Variants in ACSS3 observed in about 807,000 individuals in gnomAD.
ACSS3 encodes acyl-CoA synthetase short chain family member 3, also known as acyl-CoA synthetase short-chain family member 3, mitochondrial.
ACSS3 carries 64 observed loss-of-function variants against 84.2 expected under a neutral mutation model. That is an observed-to-expected ratio of 0.76 (90% CI 0.62 to 0.94). ACSS3 has a LOEUF of 0.94. Among genes scored for constraint, ACSS3 ranks in the 40% least tolerant of loss-of-function variants. The pLI is 0.00. For missense variants in ACSS3, 815 were observed against 867.6 expected, an observed-to-expected ratio of 0.94 and a Z score of 0.76; for synonymous variants, 317 against 310.1, an observed-to-expected ratio of 1.02 and a Z score of -0.23.
intron 2 of ACSS3, among the ~76,000 whole-genome samples, chr12:81,117,239 T>C (rs541175368): frequency 6.6e-6 from 1 of 152,302 alleles, no homozygotes; most frequent in African/African-American, 2.4e-5. Context: ...TAATATATAT[T>C]TGACACTACT....
At chr12:81,083,799 A>G (rs1881146106) in intron 1 of ACSS3, among the ~76,000 whole-genome samples, 1 of 152,070 alleles carries the variant, frequency 6.6e-6, no homozygotes, top group Non-Finnish European at 1.5e-5. Context: ...GTGAAACCCC[A>G]TATCTACTAA....
At position 81,255,781 on chromosome 12, in the gene ACSS3, G is replaced by A. The variant is rs999732551; in HGVS notation, c.*859G>A. 2.0e-5 allele frequency: 3 copies of A among 152,314 alleles called. No individual in the cohort carries two copies. Among genetic ancestry groups the A allele is most frequent in the African/African-American group, 7.2e-5 (3 of 41,414 alleles). 9.4% of individuals were successfully genotyped at this position (152,314 alleles called of 1,614,324 possible). On this transcript the variant is annotated 3_prime_UTR_variant, in exon 16 of 16. Transcript: ENST00000548058. ...ACTGTACTCCAGCCTGGGTGACAGA[G>A]TAAGACTCCATCTCAAAACAACAAA...
chr12:81,138,021 A>G (rs570983661), intron 3 of ACSS3, among the ~76,000 whole-genome samples: 1 of 152,260 alleles, frequency 6.6e-6, no homozygotes, highest in South Asian at 2.1e-4. Context: ...TTCCATGAAT[A>G]TTAAATTATA....
intron 9 of ACSS3, among the ~76,000 whole-genome samples, chr12:81,210,541 C>G (rs2032551906): frequency 6.8e-6 from 1 of 147,060 alleles, no homozygotes; most frequent in African/African-American, 2.5e-5. Context: ...AGGCTATGAA[C>G]CTGGCAACTG....
chr12:81,259,638 A>T lies in ACSS3; in HGVS notation c.*4716A>T. 1 of 1,534,350 alleles carries T rather than the reference A, an allele frequency of 6.5e-7. No homozygotes were observed. Among genetic ancestry groups the T allele is most frequent in the South Asian group, 1.2e-5 (1 of 83,990 alleles). On this transcript the variant is annotated 3_prime_UTR_variant, in exon 16 of 16. Transcript: ENST00000548058. ...TCTTAGATGGTAGTGCACTTTAGGT[A>T]GAGTAGACTGAAAAGACGCCATCTA... is the stretch of plus-strand genomic sequence containing the variant.
At chr12:81,123,673 A>G (rs548793067) in intron 2 of ACSS3, among the ~76,000 whole-genome samples, 1 of 151,896 alleles carries the variant, frequency 6.6e-6, no homozygotes, top group East Asian at 1.9e-4. Flanking sequence ...CTCTATTTCC[A>G]TATGTACACA....
chr12:81,172,893 G>T (rs2030186513), intron 7 of ACSS3, among the ~76,000 whole-genome samples: 1 of 152,108 alleles, frequency 6.6e-6, no homozygotes, highest in African/African-American at 2.4e-5. Flanking sequence ...TTCAATTTCA[G>T]TTGGCTATAA....
Position 81,078,210 on chromosome 12 carries a change from C to G in ACSS3, c.90C>G (p.Ala30=), listed in dbSNP as rs1463661326. 1 of 1,571,826 alleles carries G rather than the reference C, an allele frequency of 6.4e-7. No individual in the cohort carries two copies. The highest frequency in any genetic ancestry group is 1.4e-5 in the African/African-American group (1 of 73,040). ...CTGGGTCCTCTCCGGCCCGGGGAGC[C>G]GGTGCGGCCCTCAGGGCTTTAGTGG... ...PLPGSSPARG[A]GAALRALVVP... The change falls in exon 1 of 16, where the codon GCC becomes GCG. Residue 30 remains alanine, a synonymous_variant. Transcript: ENST00000548058.
intron 2 of ACSS3, among the ~76,000 whole-genome samples, chr12:81,123,945 T>G (rs1884860746): frequency 6.6e-6 from 1 of 152,256 alleles, no homozygotes; most frequent in Non-Finnish European, 1.5e-5. Context: ...AGTCCATGTA[T>G]ATTTTTGGTA....
rs2034287104 is a variant in ACSS3, at chr12:81,256,140, A to G, written c.*1218A>G. 1 of 152,156 alleles carries G rather than the reference A, an allele frequency of 6.6e-6. No homozygotes were observed. Among genetic ancestry groups the G allele is most frequent in the East Asian group, 1.9e-4 (1 of 5,166 alleles). 9.4% of individuals were successfully genotyped at this position (152,156 alleles called of 1,614,324 possible). ...CAAAGGACAGTAGAAAATGGTGAAG[A>G]CTGCAGATCACCTGCTATACCTCAA... On this transcript the variant is annotated 3_prime_UTR_variant, in exon 16 of 16. Transcript: ENST00000548058.
chr12:81,232,047 T>C (rs2033483073), intron 12 of ACSS3, among the ~76,000 whole-genome samples: 1 of 151,862 alleles, frequency 6.6e-6, no homozygotes, highest in Non-Finnish European at 1.5e-5. Flanking sequence ...AAAATAGCTT[T>C]CTTTAGAAAG....
chr12:81,081,508 G>A (rs7959271), intron 1 of ACSS3, among the ~76,000 whole-genome samples: 1,542 of 152,216 alleles, frequency 0.01, 29 homozygotes, highest in African/African-American at 0.035. Context: ...CTTCAGTCCT[G>A]GAACAACAAA....
At chr12:81,186,703 G>A (rs769319679) in intron 8 of ACSS3, among the ~76,000 whole-genome samples, 7 of 151,704 alleles carry the variant, frequency 4.6e-5, no homozygotes, top group Non-Finnish European at 7.4e-5. Context: ...AAAAGCAAAA[G>A]ATAACAAATG....
intron 2 of ACSS3, among the ~76,000 whole-genome samples, chr12:81,120,585 T>C (rs905847701): frequency 1.3e-5 from 2 of 152,198 alleles, no homozygotes; most frequent in African/African-American, 4.8e-5. Context: ...ACACTTTGAG[T>C]ATATAAGACA....
intron 12 of ACSS3, 92 bp downstream of exon 12, chr12:81,231,230 T>A (rs1469254208): frequency 5.5e-6 from 6 of 1,088,264 alleles, no homozygotes; most frequent in Non-Finnish European, 2.6e-6. Flanking sequence ...GAATCGTAGA[T>A]CAAAAAGAAA....
chr12:81,178,248 G>A (rs2030643767), intron 8 of ACSS3, among the ~76,000 whole-genome samples: 1 of 149,482 alleles, frequency 6.7e-6, no homozygotes, highest in Non-Finnish European at 1.5e-5. Flanking sequence ...CTCACTCATA[G>A]GTGGGAATTG....
At chr12:81,115,210 C>A (rs986019045) in intron 2 of ACSS3, among the ~76,000 whole-genome samples, 1 of 152,046 alleles carries the variant, frequency 6.6e-6, no homozygotes. Context: ...ATGAATTGTT[C>A]GTAGGGTATG....
chr12:81,158,300 AAAC>A (rs1183362062), intron 7 of ACSS3: 3 of 153,112 alleles, frequency 2.0e-5, no homozygotes. Flanking sequence ...TCATTAAAAC[AAAC>A]AACAACAAAA....
chr12:81,249,485 G>T (rs1245619859), intron 13 of ACSS3, among the ~76,000 whole-genome samples: 11 of 151,938 alleles, frequency 7.2e-5, no homozygotes, highest in African/African-American at 2.4e-4. Flanking sequence ...CCTTTTTGAG[G>T]GTTGTTCTAA....
Sources: gnomAD v4.1 joint callset for allele counts (sites outside exome capture counted in the v4.1 genomes callset) on GRCh38, gnomAD v4.1.1 for gene constraint, MANE v1.5 for transcripts, NCBI Gene and HGNC (gene_info 2026-07-23, HGNC 2026-07-21) for gene names.